The following CMIP variants were observed in gnomAD, a reference collection of about 807,000 sequenced individuals.
CMIP encodes C-Maf-inducing protein.
CMIP carries 13 observed loss-of-function variants against 97.3 expected under a neutral mutation model. The observed-to-expected ratio is 0.13, with a 90% CI of 0.09 to 0.21. The LOEUF is 0.21. CMIP is among the 10% of genes least tolerant of loss of function. CMIP has a pLI of 1.00. For missense variants in CMIP, 847 were observed against 1,024.9 expected (o/e 0.83, Z 2.37); for synonymous variants, 538 against 436.3 (o/e 1.23, Z -2.91).
intron 1 of CMIP, among the ~76,000 whole-genome samples, chr16:81,559,170 T>G (rs2150869423): frequency 6.6e-6 from 1 of 152,300 alleles, no homozygotes; most frequent in East Asian, 1.9e-4. Context: ...GCTTTTTGTT[T>G]TTATTTAAAA....
chr16:81,636,581 A>T (rs1220829093), intron 3 of CMIP, among the ~76,000 whole-genome samples: 2 of 50,402 alleles, frequency 4.0e-5, no homozygotes, highest in African/African-American at 1.2e-4. Context: ...ACTTCGTCTC[A>T]AAAAAAAAAA....
intron 4 of CMIP, among the ~76,000 whole-genome samples, chr16:81,653,441 C>A (rs1597201401): frequency 6.6e-6 from 1 of 152,368 alleles, no homozygotes; most frequent in South Asian, 2.1e-4. Flanking sequence ...GTGGCAGTGA[C>A]AGTCTCAGGC....
rs143837560 is a variant in CMIP at position 81,523,910 on chromosome 16, C to T, written c.300+78369C>T. Among the ~76,000 whole-genome samples, 11 of 152,372 alleles carry T rather than the reference C, an allele frequency of 7.2e-5. No homozygotes were observed. In the East Asian group the frequency reaches 1.5e-3, roughly 21 times the overall value. ...CAAGGCGTCTTGAACTAAAAGCCAGCGCCTGCACACCGGCAGAACTTTGCA... is the reference window on the plus strand; with the variant it reads ...CAAGGCGTCTTGAACTAAAAGCCAGTGCCTGCACACCGGCAGAACTTTGCA... On this transcript the variant is annotated intron_variant, in intron 1 of 20. Transcript: ENST00000537098.
rs184053823 is a variant in CMIP at position 81,509,977 on chromosome 16, G to A, written c.300+64436G>A. 2.6e-5 allele frequency among the ~76,000 whole-genome samples: 4 copies of A among 152,330 alleles called. No homozygotes were observed. The East Asian group carries it at 5.8e-4, about 22-fold the overall frequency. ...AGAAGTCCTGCCCCAAAGGAAGTAT[G>A]CCTGAATCAGACCTGGCTGGCAAAT... On this transcript the variant is annotated intron_variant, in intron 1 of 20. Transcript: ENST00000537098.
chr16:81,607,342 A>C (rs2091760721), intron 1 of CMIP, among the ~76,000 whole-genome samples: 2 of 152,106 alleles, frequency 1.3e-5, no homozygotes, highest in Non-Finnish European at 2.9e-5. Context: ...CTAACTCTGC[A>C]CCTCCAAACG....
At chr16:81,537,361 C>A (rs927022600) in intron 1 of CMIP, among the ~76,000 whole-genome samples, 2 of 149,738 alleles carry the variant, frequency 1.3e-5, no homozygotes, top group Admixed American at 1.3e-4. Flanking sequence ...ATGGTAAAAC[C>A]CTGTCTCTAC....
At chr16:81,580,242 G>C (rs2091272923) in intron 1 of CMIP, among the ~76,000 whole-genome samples, 1 of 152,100 alleles carries the variant, frequency 6.6e-6, no homozygotes, top group African/African-American at 2.4e-5. Context: ...ACCCCTTTAG[G>C]GGACAGACAA....
At chr16:81,451,505 C>T (rs1234801075) in intron 1 of CMIP, among the ~76,000 whole-genome samples, 1 of 152,200 alleles carries the variant, frequency 6.6e-6, no homozygotes, top group Non-Finnish European at 1.5e-5. Flanking sequence ...TCTATTTTTA[C>T]TGAATGGAGT....
chr16:81,575,622 C>T (rs1228982925), intron 1 of CMIP, among the ~76,000 whole-genome samples: 3 of 152,294 alleles, frequency 2.0e-5, no homozygotes, highest in African/African-American at 7.2e-5. Context: ...TTTGTATTGT[C>T]ACCTCCTTGG....
At chr16:81,496,581 C>G (rs1252720570) in intron 1 of CMIP, among the ~76,000 whole-genome samples, 8 of 152,202 alleles carry the variant, frequency 5.3e-5, no homozygotes. Context: ...CTCAAAGTAG[C>G]AAAGTGGGGT....
At chr16:81,575,923 A>G (rs1357776819) in intron 1 of CMIP, among the ~76,000 whole-genome samples, 1 of 152,186 alleles carries the variant, frequency 6.6e-6, no homozygotes, top group Admixed American at 6.5e-5. Flanking sequence ...AGACTGGCTA[A>G]ACTGTAAGAC....
At chr16:81,633,534 G>A (rs978371280) in intron 3 of CMIP, among the ~76,000 whole-genome samples, 1 of 152,258 alleles carries the variant, frequency 6.6e-6, no homozygotes, top group Non-Finnish European at 1.5e-5. Flanking sequence ...TTGGGAGAGA[G>A]GATAATTGAC....
rs951917608 is a variant in CMIP at position 81,445,604 on chromosome 16, G to A, written c.300+63G>A. 4 of 1,491,692 alleles carry A rather than the reference G, an allele frequency of 2.7e-6. No individual in the cohort carries two copies. The East Asian group carries it at 7.4e-5, about 28-fold the overall frequency. The allele number at this position is 1,491,692 out of a possible 1,614,324, so 92.4% of individuals were successfully genotyped here. On this transcript the variant is annotated intron_variant, in intron 1 of 20. Coordinates refer to ENST00000537098, the MANE Select transcript of CMIP (RefSeq NM_198390.3). ...CGGGGCCCGAGATGCGCCCTCCCTGGCTGCCCCCTGGCGCTGCACCTGGAG... is the reference window on the plus strand; with the variant it reads ...CGGGGCCCGAGATGCGCCCTCCCTGACTGCCCCCTGGCGCTGCACCTGGAG...
intron 10 of CMIP, among the ~76,000 whole-genome samples, chr16:81,684,479 C>G (rs1905186451): frequency 6.6e-6 from 1 of 152,240 alleles, no homozygotes; most frequent in Non-Finnish European, 1.5e-5. Flanking sequence ...AGGAAGCGTC[C>G]TGTCCACAGG....
chr16:81,627,037 G>A lies in CMIP; in HGVS notation c.477+6111G>A, dbSNP rs7188009. Among the ~76,000 whole-genome samples the A allele has an allele frequency of 0.3, 44,483 of 148,276 alleles. 7,823 individuals are homozygous for A. Among genetic ancestry groups the A allele is most frequent in the Non-Finnish European group, 0.4 (26,571 of 66,700 alleles). On this transcript the variant is annotated intron_variant, in intron 3 of 20. Transcript: ENST00000537098. This position sits in a 1 kb window ranked among gnomAD's most constrained non-coding sequence, Gnocchi z 4.6. ...GGGTGACTGTTTTATGAGTATGTGT[G>A]CATGGCATGTGAGGTGACTGTTTTA...
At chr16:81,474,435 G>A (rs534339353) in intron 1 of CMIP, among the ~76,000 whole-genome samples, 45 of 151,986 alleles carry the variant, frequency 3.0e-4, no homozygotes, top group African/African-American at 1.0e-3. Context: ...GGTGCTTACC[G>A]GGGGCCACCA....
At chr16:81,651,408 G>C (rs765765658) in intron 3 of CMIP, 3 of 981,546 alleles carry the variant, frequency 3.1e-6, no homozygotes, top group Admixed American at 6.2e-5. Flanking sequence ...CTCTGGCTTC[G>C]ACACAGCGCC....
At chr16:81,566,532 A>G (rs1302356271) in intron 1 of CMIP, among the ~76,000 whole-genome samples, 1 of 152,206 alleles carries the variant, frequency 6.6e-6, no homozygotes, top group Non-Finnish European at 1.5e-5. Context: ...GTATATTACT[A>G]GATCTCTGTT....
intron 1 of CMIP, among the ~76,000 whole-genome samples, chr16:81,547,507 C>T (rs1384830648): frequency 6.6e-5 from 10 of 151,978 alleles, no homozygotes; most frequent in South Asian, 2.1e-4. Context: ...GCCTGGTTTG[C>T]GGGGTCAGGG....
Sources: allele counts gnomAD v4.1 joint callset (sites outside exome capture counted in the v4.1 genomes callset), GRCh38; gene constraint gnomAD v4.1.1; non-coding constraint Gnocchi (gnomAD v3.1); transcripts MANE v1.5; gene names NCBI Gene and HGNC (gene_info 2026-07-23, HGNC 2026-07-21).